The following PRMT7 variants were observed in gnomAD, a reference collection of about 807,000 sequenced individuals.
PRMT7 encodes the protein protein arginine methyltransferase 7.
Under a neutral mutation model 85.4 loss-of-function variants are expected in PRMT7, and 75 were observed. The observed-to-expected ratio is 0.88, with a 90% CI of 0.73 to 1.06. PRMT7 has a LOEUF of 1.06. PRMT7 is among the 50% of genes least tolerant of loss of function. PRMT7 has a pLI of 0.00. For missense variants in PRMT7, 868 were observed against 915.2 expected, an observed-to-expected ratio of 0.95 and a Z score of 0.67; for synonymous variants, 397 against 359.5, an observed-to-expected ratio of 1.10 and a Z score of -1.18.
chr16:68,334,811 T>C (rs2084414576), intron 6 of PRMT7, among the ~76,000 whole-genome samples: 1 of 152,244 alleles, frequency 6.6e-6, no homozygotes, highest in South Asian at 2.1e-4. Context: ...ATTTTTATTA[T>C]TTTTTGAGAC....
At chr16:68,333,492 AAAAAG>A (rs1339195359) in intron 6 of PRMT7, among the ~76,000 whole-genome samples, 40 of 151,926 alleles carry the variant, frequency 2.6e-4, no homozygotes, top group South Asian at 2.5e-3. Flanking sequence ...AAAAAAAAAA[AAAAAG>A]AAAAGAAAAG....
chr16:68,346,044 A>G, intron 10 of PRMT7, 101 bp from the exon 11 acceptor site: 3 of 1,549,910 alleles, frequency 1.9e-6, no homozygotes, highest in Non-Finnish European at 2.6e-6. Flanking sequence ...CGGGTGCTCT[A>G]AGCCCTCATG....
intron 6 of PRMT7, among the ~76,000 whole-genome samples, chr16:68,330,455 C>G (rs7500163): frequency 0.14 from 21,162 of 152,002 alleles, 1,581 homozygotes; most frequent in African/African-American, 0.18. Flanking sequence ...ACTACTGCAC[C>G]TGGCTTTTTC....
chr16:68,340,561 A>G (rs562100196), intron 9 of PRMT7, among the ~76,000 whole-genome samples: 9 of 148,956 alleles, frequency 6.0e-5, no homozygotes, highest in Non-Finnish European at 1.2e-4. Context: ...CGCCTGGGCA[A>G]TAAGATGAGA....
In PRMT7 at chr16:68,348,395, G is replaced by A. The variant is rs202214387; in HGVS notation, c.1377G>A (p.Pro459=). The A allele has an allele frequency of 8.9e-5, 144 of 1,612,748 alleles. No homozygotes were observed. Among genetic ancestry groups the A allele is most frequent in the Non-Finnish European group, 9.3e-5 (110 of 1,178,878 alleles). The change falls in exon 14 of 19, where the codon CCG becomes CCA. Residue 459 remains proline, a synonymous_variant. Coordinates refer to ENST00000441236, the MANE Select transcript of PRMT7 (RefSeq NM_019023.5). The stretch of plus-strand genomic sequence containing the variant: ...AAATTAACATCATAGAGAAACGGCC[G>A]GAATTATTAACAAATGAGGACCTAC... The part of the protein sequence containing the change: ...EDKINIIEKR[P]ELLTNEDLQG...
intron 9 of PRMT7, among the ~76,000 whole-genome samples, 168 bp downstream of exon 9, chr16:68,340,136 G>A (rs1249076212): frequency 1.3e-5 from 2 of 152,194 alleles, no homozygotes; most frequent in East Asian, 1.9e-4. Flanking sequence ...CTGTAGTAAC[G>A]TAGCCTTCCC....
chr16:68,316,563 C>G (rs903135003), intron 3 of PRMT7, among the ~76,000 whole-genome samples: 2 of 151,902 alleles, frequency 1.3e-5, no homozygotes, highest in African/African-American at 4.8e-5. Flanking sequence ...GTCAGGAGTT[C>G]GAGACCAGCC....
intron 7 of PRMT7, among the ~76,000 whole-genome samples, chr16:68,338,029 C>T (rs2084954317): frequency 6.6e-6 from 1 of 151,960 alleles, no homozygotes; most frequent in African/African-American, 2.4e-5. Context: ...TGGGCAGGGG[C>T]TAGATGGAGT....
intron 1 of PRMT7, 132 bp downstream of exon 1, chr16:68,311,231 A>C (rs900149085): frequency 2.1e-4 from 104 of 496,200 alleles, no homozygotes; most frequent in Non-Finnish European, 3.7e-4. Context: ...CGCGTGGGGC[A>C]GCTCGGGACA....
At chr16:68,326,974 G>A (rs1318252833) in intron 5 of PRMT7, among the ~76,000 whole-genome samples, 1 of 152,146 alleles carries the variant, frequency 6.6e-6, no homozygotes, top group African/African-American at 2.4e-5. Context: ...GTGAGAACTA[G>A]GGTTTAAGGC....
At chr16:68,339,220 A>C (rs370693221) in intron 7 of PRMT7, 102 bp from the exon 8 acceptor site, 9 of 1,499,610 alleles carry the variant, frequency 6.0e-6, no homozygotes, top group Middle Eastern at 2.3e-4. Context: ...GGCATTACTG[A>C]ACCAACCTAA....
At chr16:68,345,894 G>C (rs937900012) in intron 10 of PRMT7, 92 bp downstream of exon 10, 33 of 1,551,892 alleles carry the variant, frequency 2.1e-5, no homozygotes, top group Non-Finnish European at 2.9e-5. Flanking sequence ...CCAGTGGGTT[G>C]ATTTGTGTCT....
chr16:68,356,885 T>C, intron 18 of PRMT7, 88 bp downstream of exon 18: 2 of 1,416,702 alleles, frequency 1.4e-6, no homozygotes, highest in Non-Finnish European at 1.9e-6. Flanking sequence ...ATGCTCTGGG[T>C]GTTTCTGTCA....
At chr16:68,352,146 G>A (rs2087482227) in intron 14 of PRMT7, 102 bp from the exon 15 acceptor site, 1 of 1,263,898 alleles carries the variant, frequency 7.9e-7, no homozygotes, top group African/African-American at 1.5e-5. Context: ...GAGTGAGGGA[G>A]TGACTTGAGT....
Position 68,339,516 on chromosome 16 carries a change from G to A in PRMT7, c.699G>A (p.Val233=). The A allele has an allele frequency of 6.2e-7, 1 of 1,614,142 alleles. No individual in the cohort carries two copies. The highest frequency in any genetic ancestry group is 8.5e-7 in the Non-Finnish European group (1 of 1,180,048). ...TCTGTGACATTCAGCTGAACCAGGT[G>A]TCACCAGCCGACTTTACAGTCCTCA... The part of the protein sequence containing the change: ...PSVCDIQLNQ[V]SPADFTVLSD... Residue 233 remains valine (V), a synonymous_variant, in exon 8 of 19, where the codon GTG becomes GTA. Transcript: ENST00000441236.
chr16:68,337,598 G>A (rs746809407), intron 7 of PRMT7, 27 bp downstream of exon 7: 15 of 1,495,378 alleles, frequency 1.0e-5, no homozygotes, highest in Middle Eastern at 1.7e-4. Flanking sequence ...TCCCTCAGAC[G>A]TGTCTGTGGT....
At position 68,356,746 on chromosome 16, in the gene PRMT7, G is replaced by A. The variant is rs772761592; in HGVS notation, c.1857G>A (p.Leu619=). The A allele has an allele frequency of 2.5e-6, 4 of 1,611,508 alleles. No homozygotes were observed. The South Asian group carries it at 4.4e-5, about 18-fold the overall frequency. ...CGGTGCTATGGATGGAGTACCACCT[G>A]ACCCCGGAGTGCACGCTCAGCACTG... ...HAAVLWMEYH[L]TPECTLSTGL... The change falls in exon 18 of 19, where the codon CTG becomes CTA. Residue 619 remains leucine, a synonymous_variant. Transcript: ENST00000441236.
At chr16:68,344,988 A>T (rs2151812494) in intron 9 of PRMT7, among the ~76,000 whole-genome samples, 1 of 134,996 alleles carries the variant, frequency 7.4e-6, no homozygotes, top group Admixed American at 7.4e-5. Flanking sequence ...TTTATTGCTA[A>T]ATCATTTGAA....
rs1567673978 is a variant in PRMT7, at chr16:68,331,463, G to GTTCTTTTTTT, written c.391+2291_391+2292insCTTTTTTTTT. Among the ~76,000 whole-genome samples the GTTCTTTTTTT allele has an allele frequency of 1.9e-5, 2 of 102,886 alleles. 1 individual carries two copies. The highest frequency in any genetic ancestry group is 3.9e-5 in the Non-Finnish European group (2 of 50,676). The allele number at this position is 102,886 out of a possible 152,430, so 67.5% of individuals were successfully genotyped here. A position where few individuals can be genotyped will look rare whatever the true frequency, so the allele number is the denominator to read the frequency against. On this transcript the variant is annotated intron_variant, in intron 6 of 18. Coordinates refer to ENST00000441236, the MANE Select transcript of PRMT7 (RefSeq NM_019023.5). ...GTAAACTTTTCATTTCTCTTTCTTT[G>GTTCTTTTTTT]TTGTTCTTTTTTTTTTTTTTTTGAG...
Sources: allele counts gnomAD v4.1 joint callset (sites outside exome capture counted in the v4.1 genomes callset), GRCh38; gene constraint gnomAD v4.1.1; transcripts MANE v1.5; gene names NCBI Gene and HGNC (gene_info 2026-07-23, HGNC 2026-07-21).